The following STIM1 variants were observed in gnomAD, a reference collection of about 807,000 sequenced individuals.
STIM1 encodes the protein stromal interaction molecule 1.
Under a neutral mutation model 74.7 loss-of-function variants are expected in STIM1, and 25 were observed. The observed-to-expected ratio is 0.33, with a 90% CI of 0.24 to 0.47. The LOEUF is 0.47. STIM1 is among the 20% of genes least tolerant of loss of function. STIM1 has a pLI of 1.00. For missense variants in STIM1, 728 were observed against 920.8 expected, an observed-to-expected ratio of 0.79 and a Z score of 2.71; for synonymous variants, 328 against 348.8, an observed-to-expected ratio of 0.94 and a Z score of 0.66.
At chr11:3,992,690 T>C (rs1160701989) in intron 2 of STIM1, among the ~76,000 whole-genome samples, 1 of 152,204 alleles carries the variant, frequency 6.6e-6, no homozygotes, top group African/African-American at 2.4e-5. Flanking sequence ...TGAGAAACCA[T>C]TGTCAAATCC....
chr11:3,921,305 G>A lies in STIM1; in HGVS notation c.140-46247G>A, dbSNP rs115582999. Among the ~76,000 whole-genome samples the A allele has an allele frequency of 9.4e-3, 1,430 of 152,224 alleles. 22 individuals are homozygous for A. Among genetic ancestry groups the A allele is most frequent in the African/African-American group, 0.032 (1,345 of 41,522 alleles). On this transcript the variant is annotated intron_variant, in intron 1 of 12. Coordinates refer to ENST00000526596, the MANE Select transcript of STIM1 (RefSeq NM_001382567.1). ...ATATTTGGCCATTGATTTGGCAAACGCATTATTTTCTGTTTCAGTCAGAAA... is the reference window on the plus strand; with the variant it reads ...ATATTTGGCCATTGATTTGGCAAACACATTATTTTCTGTTTCAGTCAGAAA...
At chr11:3,887,671 A>G (rs1011167948) in intron 1 of STIM1, among the ~76,000 whole-genome samples, 3 of 152,098 alleles carry the variant, frequency 2.0e-5, no homozygotes, top group Non-Finnish European at 4.4e-5. Context: ...ATTTGATGAA[A>G]GAATAGGGCA....
chr11:4,091,156 C>T, intron 12 of STIM1, 126 bp from the exon 13 acceptor site: 1 of 1,316,146 alleles, frequency 7.6e-7, no homozygotes, highest in Non-Finnish European at 1.1e-6. Flanking sequence ...CTCTCTCCTG[C>T]CGCTCTATCC....
chr11:3,979,387 G>A (rs569241554), intron 2 of STIM1, among the ~76,000 whole-genome samples: 4 of 152,134 alleles, frequency 2.6e-5, no homozygotes, highest in Admixed American at 2.6e-4. Context: ...TTAACTTCCT[G>A]TACCTACCAC....
rs539545524 is a variant in STIM1, at chr11:3,903,114, A to G, written c.139+46705A>G. On this transcript the variant is annotated intron_variant, in intron 1 of 12. Coordinates refer to ENST00000526596, the MANE Select transcript of STIM1 (RefSeq NM_001382567.1). ...CTTATTTAATCTTTGTACCAACCCT[A>G]TGAAAGTAGGTACTATTATTTTACT... 2.7e-4 allele frequency among the ~76,000 whole-genome samples: 41 copies of G among 152,286 alleles called. No homozygotes were observed. The South Asian group carries it at 8.1e-3, about 30-fold the overall frequency.
At position 4,089,828 on chromosome 11, in the gene STIM1, C is replaced by T. The variant is rs551527895; in HGVS notation, c.1635-1454C>T. ...TCTCCTTTTCCATTCATGACTCTTC[C>T]CCTTTGGCTAGCAGACGTTTAAACA... On this transcript the variant is annotated intron_variant, in intron 12 of 12. Coordinates refer to ENST00000526596, the MANE Select transcript of STIM1 (RefSeq NM_001382567.1). Among the ~76,000 whole-genome samples, 4 of 152,306 alleles carry T rather than the reference C, an allele frequency of 2.6e-5. No homozygotes were observed. In the South Asian group the frequency reaches 8.3e-4, roughly 32 times the overall value.
intron 1 of STIM1, among the ~76,000 whole-genome samples, chr11:3,911,837 A>G (rs2135482199): frequency 6.6e-6 from 1 of 152,222 alleles, no homozygotes; most frequent in East Asian, 1.9e-4. Context: ...ATCTTGCTGC[A>G]TTGTGGTTGC....
chr11:3,961,187 A>C (rs2093281701), intron 1 of STIM1: 1 of 163,528 alleles, frequency 6.1e-6, no homozygotes, highest in Admixed American at 6.3e-5. Context: ...ATGGGGTCTC[A>C]CTATGTTGCC....
At chr11:3,954,200 C>T (rs1399988830) in intron 1 of STIM1, among the ~76,000 whole-genome samples, 1 of 152,130 alleles carries the variant, frequency 6.6e-6, no homozygotes, top group Non-Finnish European at 1.5e-5. Context: ...TCAGTGGTAA[C>T]TCCTGCTTGT....
At chr11:4,080,292 A>G (rs2094458247) in intron 7 of STIM1, among the ~76,000 whole-genome samples, 1 of 152,150 alleles carries the variant, frequency 6.6e-6, no homozygotes, top group African/African-American at 2.4e-5. Context: ...ACAGTATGTG[A>G]CAAGGTTGAG....
chr11:3,957,619 A>G (rs1244151128), intron 1 of STIM1, among the ~76,000 whole-genome samples: 1 of 151,858 alleles, frequency 6.6e-6, no homozygotes, highest in Non-Finnish European at 1.5e-5. Flanking sequence ...GTGCAGTGTC[A>G]TGATCATGGC....
chr11:4,091,543 C>G lies in STIM1; in HGVS notation c.1896C>G (p.Pro632=), dbSNP rs61743670. The G allele has an allele frequency of 4.1e-3, 6,584 of 1,614,204 alleles. 119 individuals carry two copies. The South Asian group carries it at 0.043, about 10-fold the overall frequency. ...CCCACAGCCTGATGGAGCTGAGCCC[C>G]TCAGCCCCACCTGGTGGCTCTCCAC... is the stretch of plus-strand genomic sequence containing the variant. The part of the protein sequence containing the change: ...DKAHSLMELS[P]SAPPGGSPHL... The change falls in exon 13 of 13, where the codon CCC becomes CCG. Residue 632 remains proline, a synonymous_variant. Transcript: ENST00000526596.
chr11:3,895,671 T>TTCCTTTC (rs869179022), intron 1 of STIM1, among the ~76,000 whole-genome samples: 1 of 43,344 alleles, frequency 2.3e-5, no homozygotes, highest in Non-Finnish European at 4.2e-5. Context: ...TCTTTCTTTC[T>TTCCTTTC]TTCCTTCCTT....
intron 7 of STIM1, among the ~76,000 whole-genome samples, chr11:4,078,809 G>C (rs2094450346): frequency 6.6e-6 from 1 of 151,582 alleles, no homozygotes; most frequent in Non-Finnish European, 1.5e-5. Context: ...GACCTCAGGT[G>C]AGCCACCCAC....
intron 1 of STIM1, among the ~76,000 whole-genome samples, chr11:3,929,945 G>T (rs61897163): frequency 0.042 from 6,439 of 152,168 alleles, 255 homozygotes; most frequent in East Asian, 0.18. Flanking sequence ...ACTTCCAGCA[G>T]CCTGCTTGCT....
intron 2 of STIM1, among the ~76,000 whole-genome samples, chr11:4,008,212 G>C (rs1024145896): frequency 5.3e-5 from 8 of 152,040 alleles, no homozygotes; most frequent in Non-Finnish European, 1.0e-4. Flanking sequence ...ACAATATTGA[G>C]TACAGTAACA....
intron 1 of STIM1, chr11:3,961,509 TAC>T (rs2093284700): frequency 1.4e-5 from 2 of 142,976 alleles, no homozygotes; most frequent in Non-Finnish European, 3.1e-5. Flanking sequence ...TATATATATA[TAC>T]ATATATTTTT....
intron 5 of STIM1, 31 bp downstream of exon 5, chr11:4,059,427 G>C (rs774693166): frequency 6.3e-7 from 1 of 1,597,284 alleles, no homozygotes; most frequent in African/African-American, 1.3e-5. Context: ...GGCTACTGCT[G>C]TGCCATGGAA....
intron 1 of STIM1, among the ~76,000 whole-genome samples, chr11:3,915,780 G>C (rs2092634775): frequency 6.6e-6 from 1 of 152,168 alleles, no homozygotes; most frequent in South Asian, 2.1e-4. Context: ...AGTTTGACCA[G>C]CATGGTGGCT....
Sources: allele counts gnomAD v4.1 joint callset (sites outside exome capture counted in the v4.1 genomes callset), GRCh38; gene constraint gnomAD v4.1.1; transcripts MANE v1.5; gene names NCBI Gene and HGNC (gene_info 2026-07-23, HGNC 2026-07-21).